HIVEP1: variants seen among roughly 807,000 people sequenced by gnomAD.
HIVEP1 encodes zinc finger protein 40.
HIVEP1 carries 36 observed loss-of-function variants against 180.0 expected under a neutral mutation model. That is an observed-to-expected ratio of 0.20 (90% CI 0.15 to 0.26). HIVEP1 has a LOEUF of 0.26. HIVEP1 is among the 10% of genes least tolerant of loss of function. The pLI is 1.00. For synonymous variants in HIVEP1, 1,239 were observed against 1,239.0 expected (o/e 1.00, Z 0.00); for missense variants, 3,143 against 3,268.7 (o/e 0.96, Z 0.94).
chr6:12,196,948 T>TA, the HIVEP1 span, among the ~76,000 whole-genome samples: 1 of 152,180 alleles, frequency 6.6e-6, no homozygotes, highest in Non-Finnish European at 1.5e-5. Flanking sequence ...GAATGAGGAA[T>TA]AAAAAATGTA....
At chr6:12,209,044 T>G in the HIVEP1 span, among the ~76,000 whole-genome samples, 1 of 152,200 alleles carries the variant, frequency 6.6e-6, no homozygotes, top group Non-Finnish European at 1.5e-5. Context: ...CTAGAACATA[T>G]TTCTTTCAGA....
intron 3 of HIVEP1, among the ~76,000 whole-genome samples, chr6:12,101,213 T>C (rs1774093237): frequency 6.6e-6 from 1 of 152,234 alleles, no homozygotes; most frequent in South Asian, 2.1e-4. Context: ...TTCTTACCAC[T>C]TTCTGTGAAG....
chr6:12,163,423 G>A lies in HIVEP1; in HGVS notation c.7119G>A (p.Leu2373=), dbSNP rs189008033. ...QQITLQPTPG[L]PSPHTHLFSH... is the part of the protein sequence containing the mutation. ...TAACTCTACAGCCGACTCCAGGCTT[G>A]CCTTCTCCCCACACTCATTTGTTTA... Residue 2373 remains leucine (L), a synonymous_variant, in exon 9 of 9, where the codon TTG becomes TTA. Transcript: ENST00000379388. 1.9e-6 allele frequency: 3 copies of A among 1,614,148 alleles called. No individual in the cohort carries two copies. The highest frequency in any genetic ancestry group is 1.6e-4 in the Middle Eastern group (1 of 6,062).
chr6:12,068,945 C>T (rs1315854786), intron 2 of HIVEP1, among the ~76,000 whole-genome samples: 1 of 152,214 alleles, frequency 6.6e-6, no homozygotes, highest in Admixed American at 6.5e-5. Context: ...TTACCAATTT[C>T]TTGTCACTTT....
At chr6:12,108,351 C>T (rs1774606885) in intron 3 of HIVEP1, among the ~76,000 whole-genome samples, 1 of 152,254 alleles carries the variant, frequency 6.6e-6, no homozygotes, top group African/African-American at 2.4e-5. Flanking sequence ...ACCAGGACTG[C>T]AGGTGGAGCT....
upstream of HIVEP1, chr6:12,011,970 C>T (rs897446909): frequency 1.4e-5 from 2 of 146,572 alleles, no homozygotes; most frequent in African/African-American, 4.9e-5. Context: ...CGACCTTCGC[C>T]CTGCCTCCCC....
chr6:12,204,836 G>A, the HIVEP1 span, among the ~76,000 whole-genome samples: 9 of 152,110 alleles, frequency 5.9e-5, no homozygotes, highest in African/African-American at 2.2e-4. Context: ...TGGGGTGAAG[G>A]GAGAGAAGCA....
Position 12,123,386 on chromosome 6 carries a change from A to G in HIVEP1, c.3591A>G (p.Ala1197=), listed in dbSNP as rs750913547. The change falls in exon 4 of 9, where the codon GCA becomes GCG. Residue 1197 remains alanine, a synonymous_variant. Transcript: ENST00000379388. ...ACGGGTCTCATCCTCACCAGCTTGC[A>G]CTATCAGACGCTCTCAGAGGAGAAC... The part of the protein sequence containing the change: ...SRDGSHPHQL[A]LSDALRGELQ... 5.0e-6 allele frequency: 8 copies of G among 1,614,192 alleles called. No individual in the cohort carries two copies. The highest frequency in any genetic ancestry group is 5.1e-6 in the Non-Finnish European group (6 of 1,180,032).
At chr6:12,042,205 G>A (rs1275649766) in intron 2 of HIVEP1, among the ~76,000 whole-genome samples, 1 of 148,200 alleles carries the variant, frequency 6.7e-6, no homozygotes, top group Admixed American at 6.7e-5. Context: ...TCAGCCTCCC[G>A]AGTAGCTGGG....
the HIVEP1 span, among the ~76,000 whole-genome samples, chr6:12,184,262 A>G: frequency 6.6e-6 from 1 of 152,174 alleles, no homozygotes; most frequent in African/African-American, 2.4e-5. Context: ...TACAGATGAT[A>G]TATTTGTCTC....
intron 2 of HIVEP1, among the ~76,000 whole-genome samples, chr6:12,066,884 A>G (rs72826051): frequency 0.3 from 32,059 of 106,112 alleles, 4,057 homozygotes; most frequent in Middle Eastern, 0.49. Flanking sequence ...GTGTGTGTGT[A>G]TATATATATA....
chr6:12,146,957 ATTTATT>A (rs1250429326), intron 7 of HIVEP1, among the ~76,000 whole-genome samples: 1 of 152,080 alleles, frequency 6.6e-6, no homozygotes, highest in Non-Finnish European at 1.5e-5. Flanking sequence ...AAGGGAAGGA[ATTTATT>A]TATCCCTACA....
the HIVEP1 span, among the ~76,000 whole-genome samples, chr6:12,199,680 T>C: frequency 6.6e-6 from 1 of 152,190 alleles, no homozygotes; most frequent in South Asian, 2.1e-4. Flanking sequence ...AAACATTTTC[T>C]TCTCTGTACC....
At chr6:12,056,309 G>A (rs887911420) in intron 2 of HIVEP1, among the ~76,000 whole-genome samples, 1 of 152,236 alleles carries the variant, frequency 6.6e-6, no homozygotes, top group South Asian at 2.1e-4. Context: ...CCTTAGACTC[G>A]AGGTAGTATG....
At chr6:12,046,771 C>G (rs1475265801) in intron 2 of HIVEP1, among the ~76,000 whole-genome samples, 1 of 145,326 alleles carries the variant, frequency 6.9e-6, no homozygotes, top group Non-Finnish European at 1.5e-5. Context: ...GAGCGAGACT[C>G]TGTCTCAAAA....
chr6:12,176,877 G>A, the HIVEP1 span, among the ~76,000 whole-genome samples: 26 of 151,994 alleles, frequency 1.7e-4, no homozygotes, highest in African/African-American at 6.3e-4. Flanking sequence ...ATTGCTTTTG[G>A]CTATTCACAA....
chr6:12,015,696 G>C, intron 2 of HIVEP1, 28 bp downstream of exon 2: 1 of 1,599,476 alleles, frequency 6.3e-7, no homozygotes, highest in Non-Finnish European at 8.6e-7. Context: ...GTAGAAGTAA[G>C]GCTTGCTGTA....
the HIVEP1 span, among the ~76,000 whole-genome samples, chr6:12,183,144 T>C: frequency 1.3e-5 from 2 of 152,114 alleles, no homozygotes; most frequent in Non-Finnish European, 2.9e-5. Flanking sequence ...TTAATTCCAG[T>C]AAAAATTTAA....
At chr6:12,032,843 A>G (rs748171501) in intron 2 of HIVEP1, among the ~76,000 whole-genome samples, 16 of 152,188 alleles carry the variant, frequency 1.1e-4, no homozygotes, top group Non-Finnish European at 2.1e-4. Flanking sequence ...GCTATTTTAT[A>G]TACTAACTGA....
Sources: gnomAD v4.1 joint callset for allele counts (sites outside exome capture counted in the v4.1 genomes callset) on GRCh38, gnomAD v4.1.1 for gene constraint, MANE v1.5 for transcripts, NCBI Gene and HGNC (gene_info 2026-07-23, HGNC 2026-07-21) for gene names.